Variants in CAMTA1 observed in about 807,000 individuals in gnomAD.
CAMTA1 encodes the protein calmodulin binding transcription activator 1.
In CAMTA1, 27 loss-of-function variants were observed where a neutral mutation model predicts 170.9. The ratio of observed to expected loss-of-function variants is 0.16; its 90% confidence interval spans 0.12 to 0.22. The LOEUF (loss-of-function observed/expected upper bound fraction) is 0.22, where lower values mean the gene tolerates loss of function less well. Ranked by LOEUF, CAMTA1 falls within the 10% of genes least tolerant of loss-of-function variation. The pLI is 1.00. For missense variants in CAMTA1, 1,619 were observed against 2,217.2 expected (o/e 0.73, Z 5.42); for synonymous variants, 833 against 891.5 (o/e 0.93, Z 1.17).
intron 3 of CAMTA1, among the ~76,000 whole-genome samples, chr1:7,000,024 C>G (rs1697978222): frequency 2.6e-5 from 4 of 152,230 alleles, no homozygotes; most frequent in Admixed American, 2.6e-4. Flanking sequence ...ACCCTGCTGC[C>G]AGGTTCCACT....
intron 5 of CAMTA1, among the ~76,000 whole-genome samples, chr1:7,260,052 C>A (rs1667946580): frequency 6.6e-6 from 1 of 152,340 alleles, no homozygotes; most frequent in Non-Finnish European, 1.5e-5. Context: ...TTTTGCGAGC[C>A]AGACTGTCCG....
chr1:7,128,503 A>G (rs1211668727), intron 4 of CAMTA1, among the ~76,000 whole-genome samples: 1 of 152,222 alleles, frequency 6.6e-6, no homozygotes, highest in African/African-American at 2.4e-5. Flanking sequence ...CAACAGAAAC[A>G]GGGTTGAGTG....
intron 4 of CAMTA1, among the ~76,000 whole-genome samples, chr1:7,097,058 A>G (rs937838953): frequency 6.6e-6 from 1 of 151,988 alleles, no homozygotes; most frequent in African/African-American, 2.4e-5. Context: ...GAATGCCCTC[A>G]TGTCCAATCT....
At chr1:7,004,312 A>G (rs186372138) in intron 3 of CAMTA1, among the ~76,000 whole-genome samples, 1 of 152,098 alleles carries the variant, frequency 6.6e-6, no homozygotes, top group Non-Finnish European at 1.5e-5. Flanking sequence ...AGACTTTTGC[A>G]TGAGGCAGCT....
At chr1:7,509,577 AT>A (rs1275969850) in intron 6 of CAMTA1, among the ~76,000 whole-genome samples, 9 of 152,228 alleles carry the variant, frequency 5.9e-5, no homozygotes, top group African/African-American at 2.2e-4. Context: ...TTAGGGCTGT[AT>A]TCTGGGAGCA....
intron 3 of CAMTA1, among the ~76,000 whole-genome samples, chr1:7,078,793 A>C (rs1639642716): frequency 6.6e-6 from 1 of 152,216 alleles, no homozygotes; most frequent in Non-Finnish European, 1.5e-5. Context: ...GTATTTCTGC[A>C]TGGAGGCATT....
chr1:7,146,268 T>C lies in CAMTA1; in HGVS notation c.302+54897T>C, dbSNP rs1021478254. 3.9e-5 allele frequency among the ~76,000 whole-genome samples: 6 copies of C among 152,158 alleles called. No homozygotes were observed. Among genetic ancestry groups the C allele is most frequent in the African/African-American group, 1.4e-4 (6 of 41,450 alleles). On this transcript the variant is annotated intron_variant, in intron 4 of 22. Transcript: ENST00000303635. This position sits in a 1 kb window ranked among gnomAD's most constrained non-coding sequence, Gnocchi z 4.3. The stretch of plus-strand genomic sequence containing the variant: ...AGCCCCTGAACCCGGTGCCTGCTCA[T>C]GAGCCAGTCTCCCTCTTGGCTTATG...
intron 3 of CAMTA1, chr1:6,871,642 G>A: frequency 1.2e-6 from 1 of 800,518 alleles, no homozygotes; most frequent in Non-Finnish European, 1.9e-6. Flanking sequence ...AATAAAAATG[G>A]CTCTACACGA....
intron 5 of CAMTA1, among the ~76,000 whole-genome samples, chr1:7,428,328 C>T (rs550206842): frequency 4.6e-5 from 7 of 152,052 alleles, no homozygotes; most frequent in South Asian, 2.1e-4. Context: ...GTGTAGGAGG[C>T]GCTCACTGAG....
intron 3 of CAMTA1, among the ~76,000 whole-genome samples, chr1:7,078,547 T>C (rs1397255053): frequency 6.6e-6 from 1 of 152,242 alleles, no homozygotes; most frequent in Non-Finnish European, 1.5e-5. Context: ...TTAGGCTGGC[T>C]ATGTCCTTCA....
chr1:7,459,031 T>C (rs928435866), intron 5 of CAMTA1, among the ~76,000 whole-genome samples: 2 of 152,224 alleles, frequency 1.3e-5, no homozygotes, highest in East Asian at 3.8e-4. Context: ...AGGACAGTCT[T>C]GGGAGCAGCT....
chr1:7,211,392 T>C (rs1573923355), intron 4 of CAMTA1, among the ~76,000 whole-genome samples: 1 of 152,372 alleles, frequency 6.6e-6, no homozygotes, highest in East Asian at 1.9e-4. Flanking sequence ...TGTTTCTTTC[T>C]AACCAGTTCT....
At chr1:7,272,692 C>G (rs1490891368) in intron 5 of CAMTA1, among the ~76,000 whole-genome samples, 1 of 38,802 alleles carries the variant, frequency 2.6e-5, no homozygotes, top group African/African-American at 9.3e-5. Context: ...TAAACACATG[C>G]AAAAAAAAAA....
chr1:7,654,756 C>CACAT (rs1249036821), intron 7 of CAMTA1, among the ~76,000 whole-genome samples: 4 of 145,724 alleles, frequency 2.7e-5, no homozygotes, highest in African/African-American at 5.1e-5. Context: ...CACACATATA[C>CACAT]AAACACACCC....
intron 4 of CAMTA1, among the ~76,000 whole-genome samples, chr1:7,199,311 CG>C (rs1656196135): frequency 6.6e-6 from 1 of 152,222 alleles, no homozygotes. Flanking sequence ...CAGTTCCAAG[CG>C]GAGGGTAAAA....
intron 3 of CAMTA1, among the ~76,000 whole-genome samples, chr1:6,919,665 T>C (rs1482216743): frequency 2.0e-5 from 3 of 152,146 alleles, no homozygotes; most frequent in Non-Finnish European, 4.4e-5. Flanking sequence ...GACTGGGCAA[T>C]TTATGAAAGA....
At chr1:7,471,882 G>A (rs148881698) in intron 6 of CAMTA1, among the ~76,000 whole-genome samples, 19 of 152,334 alleles carry the variant, frequency 1.2e-4, no homozygotes, top group South Asian at 4.1e-4. Context: ...GTCCTTCTCT[G>A]CATTCTCCGC....
At chr1:7,468,683 C>T (rs1285898092) in intron 6 of CAMTA1, among the ~76,000 whole-genome samples, 2 of 152,234 alleles carry the variant, frequency 1.3e-5, no homozygotes, top group East Asian at 3.8e-4. Context: ...TTCCCCATGG[C>T]CTGCCTCTGT....
chr1:7,368,392 T>G (rs2086181687), intron 5 of CAMTA1, among the ~76,000 whole-genome samples: 1 of 151,790 alleles, frequency 6.6e-6, no homozygotes, highest in South Asian at 2.1e-4. Flanking sequence ...GTGCAGGCCC[T>G]GGGCACTCAT....
Sources: allele counts gnomAD v4.1 joint callset (sites outside exome capture counted in the v4.1 genomes callset), GRCh38; gene constraint gnomAD v4.1.1; non-coding constraint Gnocchi (gnomAD v3.1); transcripts MANE v1.5; gene names NCBI Gene and HGNC (gene_info 2026-07-23, HGNC 2026-07-21).